The following CYFIP2 variants were observed in gnomAD, a reference collection of about 807,000 sequenced individuals.
CYFIP2 encodes the protein cytoplasmic FMR1 interacting protein 2.
In CYFIP2, 29 loss-of-function variants were observed where a neutral mutation model predicts 158.7. That is an observed-to-expected ratio of 0.18 (90% confidence interval 0.14 to 0.25). CYFIP2 has a LOEUF of 0.25. Ranked by LOEUF, CYFIP2 falls within the 10% of genes least tolerant of loss-of-function variation. The pLI is 1.00. For synonymous variants in CYFIP2, 585 were observed against 617.6 expected, an observed-to-expected ratio of 0.95 and a Z score of 0.78; for missense variants, 852 against 1,639.5, an observed-to-expected ratio of 0.52 and a Z score of 8.29.
intron 5 of CYFIP2, among the ~76,000 whole-genome samples, chr5:157,298,090 C>A (rs1335137071): frequency 1.3e-5 from 2 of 152,196 alleles, no homozygotes; most frequent in Admixed American, 6.5e-5. Flanking sequence ...TCGGGGCCAT[C>A]ATTTCTCCTC....
intron 3 of CYFIP2, among the ~76,000 whole-genome samples, chr5:157,291,598 G>A (rs2113860339): frequency 6.6e-6 from 1 of 152,372 alleles, no homozygotes; most frequent in African/African-American, 2.4e-5. Context: ...TTCCTTACGT[G>A]ACTGTCACTT....
chr5:157,352,907 C>T (rs145397059), intron 23 of CYFIP2, among the ~76,000 whole-genome samples: 56 of 152,228 alleles, frequency 3.7e-4, no homozygotes, highest in African/African-American at 1.2e-3. Context: ...GAAGGCCATA[C>T]GAAGACCCAG....
At chr5:157,350,777 A>G (rs1763014510) in intron 23 of CYFIP2, among the ~76,000 whole-genome samples, 1 of 152,292 alleles carries the variant, frequency 6.6e-6, no homozygotes, top group Non-Finnish European at 1.5e-5. Context: ...ATGTGTTTCC[A>G]TTTGTTTGTG....
chr5:157,315,743 A>G (rs1281656968), intron 13 of CYFIP2, among the ~76,000 whole-genome samples: 2 of 152,226 alleles, frequency 1.3e-5, no homozygotes, highest in South Asian at 2.1e-4. Context: ...GTTCTTCAAT[A>G]TGGAACCAGG....
chr5:157,329,049 G>T (rs1414623720), intron 19 of CYFIP2, among the ~76,000 whole-genome samples: 1 of 152,222 alleles, frequency 6.6e-6, no homozygotes, highest in Non-Finnish European at 1.5e-5. Context: ...CTATGAAAAG[G>T]ATTTGCTTCA....
intron 26 of CYFIP2, among the ~76,000 whole-genome samples, chr5:157,379,047 G>GC: frequency 6.6e-6 from 1 of 152,250 alleles, no homozygotes; most frequent in East Asian, 1.9e-4. Flanking sequence ...TCCCAGGGCA[G>GC]CCTATCCTGT....
chr5:157,306,560 T>C (rs955558090), intron 8 of CYFIP2, among the ~76,000 whole-genome samples: 22 of 152,172 alleles, frequency 1.4e-4, no homozygotes, highest in Admixed American at 2.0e-4. Flanking sequence ...TGTCTGCTCT[T>C]ATGCAGAAAA....
chr5:157,393,113 C>T lies in CYFIP2; in HGVS notation c.*113C>T. 8.0e-7 allele frequency: 1 copy of T among 1,246,362 alleles called. No homozygotes were observed. The highest frequency in any genetic ancestry group is 1.1e-6 in the Non-Finnish European group (1 of 909,070). 77.2% of individuals were successfully genotyped at this position (1,246,362 alleles called of 1,614,324 possible). A position where few individuals can be genotyped will look rare whatever the true frequency, so the allele number is the denominator to read the frequency against. ...ACAACGTGTGGGATGGACCTGGAAA[C>T]AAGCACCTCCCCAAACACATCACCA... On this transcript the variant is annotated 3_prime_UTR_variant, in exon 31 of 31. Transcript: ENST00000620254.
intron 18 of CYFIP2, 134 bp downstream of exon 18, chr5:157,326,401 C>G (rs373661914): frequency 2.6e-5 from 20 of 758,746 alleles, no homozygotes; most frequent in African/African-American, 1.2e-4. Flanking sequence ...CCATGGCCAT[C>G]AGAAGGCCTG....
chr5:157,304,872 T>A (rs991625764), intron 8 of CYFIP2: 5 of 153,434 alleles, frequency 3.3e-5, no homozygotes, highest in African/African-American at 1.2e-4. Flanking sequence ...ACCCAAGCAG[T>A]GTATGCTGTA....
chr5:157,325,618 C>G lies in CYFIP2; in HGVS notation c.1962C>G (p.Thr654=), dbSNP rs1410730828. The change falls in exon 17 of 31, where the codon ACC becomes ACG. Residue 654 remains threonine, a synonymous_variant. Transcript: ENST00000620254. The part of the protein sequence containing the change: ...PWILTDHILE[T]KEPSMMEYVL... The stretch of plus-strand genomic sequence containing the variant: ...TTCTAACGGACCATATCCTGGAAAC[C>G]AAAGAACCTTCCATGATGGAGTAAG... The G allele has an allele frequency of 3.1e-6, 5 of 1,610,108 alleles. No homozygotes were observed. In the Admixed American group the frequency reaches 8.4e-5, roughly 27 times the overall value.
In CYFIP2 at chr5:157,394,871, GAC is replaced by G. The variant is rs1036958501; in HGVS notation, c.*1875_*1876del. On this transcript the variant is annotated 3_prime_UTR_variant, in exon 31 of 31. Transcript: ENST00000620254. The stretch of plus-strand genomic sequence containing the variant: ...ATAGATGTGTTCCAGAGGCAAAAGA[GAC>G]ACATTATCCCAGATGGCAGAACATG... 1.3e-5 allele frequency: 2 copies of G among 152,290 alleles called. No homozygotes were observed. The highest frequency in any genetic ancestry group is 2.4e-5 in the African/African-American group (1 of 41,452). 9.4% of individuals were successfully genotyped at this position (152,290 alleles called of 1,614,324 possible). A position where few individuals can be genotyped will look rare whatever the true frequency, so the allele number is the denominator to read the frequency against.
chr5:157,282,605 G>A (rs920036184), intron 1 of CYFIP2, among the ~76,000 whole-genome samples: 1 of 152,146 alleles, frequency 6.6e-6, no homozygotes, highest in East Asian at 1.9e-4. Context: ...TGCATCTTTG[G>A]GACAGATTCC....
Position 157,361,183 on chromosome 5 carries a change from G to A in CYFIP2, c.2909-285G>A, listed in dbSNP as rs1763790562. On this transcript the variant is annotated intron_variant, in intron 25 of 30. Transcript: ENST00000620254. This position sits in a 1 kb window ranked among gnomAD's most constrained non-coding sequence, Gnocchi z 4.4. ...TTAGGAAGTCAGGCAACTTTGGAGG[G>A]ACTGGGAAGGGTCCAATGGTGCCTC... 6.6e-6 allele frequency among the ~76,000 whole-genome samples: 1 copy of A among 152,074 alleles called. No individual in the cohort carries two copies. Among genetic ancestry groups the A allele is most frequent in the Non-Finnish European group, 1.5e-5 (1 of 68,014 alleles).
chr5:157,343,799 C>G (rs1762478819), intron 23 of CYFIP2, among the ~76,000 whole-genome samples: 1 of 152,068 alleles, frequency 6.6e-6, no homozygotes, highest in East Asian at 1.9e-4. Flanking sequence ...CAGCCACATC[C>G]CACCCTAGCT....
intron 28 of CYFIP2, among the ~76,000 whole-genome samples, chr5:157,388,570 TTTC>T (rs1280995913): frequency 6.6e-6 from 1 of 152,230 alleles, no homozygotes; most frequent in African/African-American, 2.4e-5. Context: ...TCACACATAC[TTTC>T]ATCTGTGTGA....
intron 26 of CYFIP2, among the ~76,000 whole-genome samples, chr5:157,372,815 G>C (rs1765117026): frequency 6.6e-6 from 1 of 152,164 alleles, no homozygotes; most frequent in Non-Finnish European, 1.5e-5. Context: ...GAGACCCTTA[G>C]AGAACACCTC....
At chr5:157,339,290 G>A (rs1376886040) in intron 22 of CYFIP2, 34 bp downstream of exon 22, 2 of 1,590,594 alleles carry the variant, frequency 1.3e-6, no homozygotes, top group South Asian at 2.2e-5. Context: ...GGGCCGGGTG[G>A]GGGTTGGGGG....
chr5:157,380,842 G>A (rs1345823555), intron 26 of CYFIP2, among the ~76,000 whole-genome samples: 1 of 152,134 alleles, frequency 6.6e-6, no homozygotes, highest in Non-Finnish European at 1.5e-5. Flanking sequence ...ATGAATCAAA[G>A]GATCTAAGCT....
Sources: gnomAD v4.1 joint callset for allele counts (sites outside exome capture counted in the v4.1 genomes callset) on GRCh38, gnomAD v4.1.1 for gene constraint, Gnocchi (gnomAD v3.1) non-coding constraint, MANE v1.5 for transcripts, NCBI Gene and HGNC (gene_info 2026-07-23, HGNC 2026-07-21) for gene names.